AUTS2: variants seen among roughly 807,000 people sequenced by gnomAD.
AUTS2 encodes the protein activator of transcription and developmental regulator AUTS2, also known as autism susceptibility gene 2 protein.
A neutral mutation model predicts 112.4 loss-of-function variants in AUTS2; 17 were observed. The observed-to-expected ratio is 0.15, with a 90% confidence interval of 0.10 to 0.23. The LOEUF (loss-of-function observed/expected upper bound fraction) is 0.23. Ranked by LOEUF, AUTS2 falls within the 10% of genes least tolerant of loss-of-function variation. The pLI is 1.00. For missense variants in AUTS2, 1,510 were observed against 1,701.6 expected (o/e 0.89, Z 1.98); for synonymous variants, 751 against 702.7 (o/e 1.07, Z -1.09).
chr7:70,741,763 A>C lies in AUTS2; in HGVS notation c.743-21107A>C, dbSNP rs575348306. Among the ~76,000 whole-genome samples, 22 of 152,170 alleles carry C rather than the reference A, an allele frequency of 1.4e-4. 1 individual carries two copies. The East Asian group carries it at 4.2e-3, about 29-fold the overall frequency. On this transcript the variant is annotated intron_variant, in intron 6 of 18. Transcript: ENST00000342771. ...GGCATCTACCTTGTAAAAAGCCTGA[A>C]GTTTGCTCATGGGAGCTGACATGAG...
chr7:69,965,041 A>G (rs1359746865), intron 2 of AUTS2, among the ~76,000 whole-genome samples: 3 of 151,810 alleles, frequency 2.0e-5, no homozygotes, highest in Admixed American at 1.3e-4. Flanking sequence ...TGCCCTCATG[A>G]GCCTGTGTTC....
chr7:70,418,808 C>T (rs143755309), intron 4 of AUTS2, among the ~76,000 whole-genome samples: 1 of 151,706 alleles, frequency 6.6e-6, no homozygotes, highest in Non-Finnish European at 1.5e-5. Context: ...GACCCAAACT[C>T]TTTATCACTC....
intron 2 of AUTS2, among the ~76,000 whole-genome samples, chr7:70,043,423 G>A (rs1801332449): frequency 6.6e-6 from 1 of 151,628 alleles, no homozygotes; most frequent in South Asian, 2.1e-4. Context: ...ATTTTATGAA[G>A]AACAGACAAT....
At chr7:70,621,838 C>CTT (rs67123941) in intron 5 of AUTS2, among the ~76,000 whole-genome samples, 23,249 of 66,746 alleles carry the variant, frequency 0.35, 8,592 homozygotes, top group African/African-American at 0.49. Context: ...TAGTCATTCT[C>CTT]TTTTTTTTTT....
At chr7:69,612,824 A>G (rs186069090) in intron 1 of AUTS2, among the ~76,000 whole-genome samples, 47 of 152,282 alleles carry the variant, frequency 3.1e-4, no homozygotes, top group African/African-American at 1.0e-3. Flanking sequence ...CTCTTTCTGT[A>G]TATATCCTTC....
chr7:69,691,410 C>T (rs770134349), intron 1 of AUTS2, among the ~76,000 whole-genome samples: 1 of 152,084 alleles, frequency 6.6e-6, no homozygotes, highest in Non-Finnish European at 1.5e-5. Context: ...GCCAAGCTAC[C>T]CTCAGCACCC....
intron 2 of AUTS2, among the ~76,000 whole-genome samples, chr7:69,928,717 C>T (rs187623128): frequency 1.8e-4 from 28 of 152,184 alleles, no homozygotes; most frequent in African/African-American, 2.4e-4. Flanking sequence ...CAGGGCTTCC[C>T]GAGCCCCCAA....
chr7:69,895,551 C>CCG (rs1554400694), intron 1 of AUTS2, among the ~76,000 whole-genome samples: 2 of 147,542 alleles, frequency 1.4e-5, no homozygotes, highest in South Asian at 2.4e-4. Context: ...CTTCCCCCCC[C>CCG]CCGAGTGGAA....
intron 4 of AUTS2, among the ~76,000 whole-genome samples, chr7:70,425,001 C>A (rs1194659929): frequency 2.0e-5 from 3 of 152,182 alleles, no homozygotes; most frequent in African/African-American, 4.8e-5. Context: ...CTTCAACAAC[C>A]AGGCTTTTCC....
chr7:69,746,147 T>C (rs956498601), intron 1 of AUTS2, among the ~76,000 whole-genome samples: 1 of 152,142 alleles, frequency 6.6e-6, no homozygotes, highest in Non-Finnish European at 1.5e-5. Flanking sequence ...AGTACTGGGA[T>C]TATAGGGCAT....
chr7:70,229,768 G>A (rs757357612), intron 4 of AUTS2, among the ~76,000 whole-genome samples: 6 of 128,938 alleles, frequency 4.7e-5, no homozygotes, highest in African/African-American at 1.6e-4. Flanking sequence ...TTTTCCCCCT[G>A]TTCTTCAGAT....
intron 2 of AUTS2, among the ~76,000 whole-genome samples, chr7:70,070,762 C>T (rs1338255483): frequency 1.3e-5 from 2 of 151,842 alleles, no homozygotes; most frequent in East Asian, 3.9e-4. Context: ...GTCCCAGCTA[C>T]TCGGGAGGCT....
chr7:69,602,485 T>C (rs900600788), intron 1 of AUTS2, among the ~76,000 whole-genome samples: 25 of 152,158 alleles, frequency 1.6e-4, no homozygotes, highest in Admixed American at 3.3e-4. Context: ...ACACCCAACA[T>C]CCAGGTTTGA....
chr7:70,547,747 T>C (rs1209310563), intron 5 of AUTS2, among the ~76,000 whole-genome samples: 1 of 152,238 alleles, frequency 6.6e-6, no homozygotes, highest in African/African-American at 2.4e-5. Flanking sequence ...TTGGCTATTA[T>C]TAATAATGCT....
At chr7:69,875,463 T>C (rs1793688891) in intron 1 of AUTS2, among the ~76,000 whole-genome samples, 1 of 152,226 alleles carries the variant, frequency 6.6e-6, no homozygotes, top group African/African-American at 2.4e-5. Context: ...AGGATTATTA[T>C]TATTATTGTT....
chr7:70,065,203 C>T, intron 2 of AUTS2, among the ~76,000 whole-genome samples: 1 of 152,086 alleles, frequency 6.6e-6, no homozygotes, highest in East Asian at 1.9e-4. Context: ...CCCCTAGATA[C>T]ATTTTGGTGA....
chr7:69,994,074 T>G (rs1287417048), intron 2 of AUTS2, among the ~76,000 whole-genome samples: 1 of 151,726 alleles, frequency 6.6e-6, no homozygotes, highest in Non-Finnish European at 1.5e-5. Flanking sequence ...TTAAGAGATA[T>G]GTATTAATAA....
intron 2 of AUTS2, among the ~76,000 whole-genome samples, chr7:69,925,895 A>G (rs527451333): frequency 1.0e-3 from 159 of 152,278 alleles, no homozygotes; most frequent in Non-Finnish European, 1.9e-3. Context: ...TGGTGCGCCT[A>G]TAGTCCCAGC....
intron 5 of AUTS2, among the ~76,000 whole-genome samples, chr7:70,589,076 T>C (rs540805659): frequency 4.5e-4 from 69 of 152,320 alleles, no homozygotes; most frequent in African/African-American, 1.6e-3. Flanking sequence ...CTTCAGAGCA[T>C]TTCCTACAGA....
Sources: gnomAD v4.1 joint callset for allele counts (sites outside exome capture counted in the v4.1 genomes callset) on GRCh38, gnomAD v4.1.1 for gene constraint, MANE v1.5 for transcripts, NCBI Gene and HGNC (gene_info 2026-07-23, HGNC 2026-07-21) for gene names.